The following BCORL1 variants were observed in gnomAD, a reference collection of about 807,000 sequenced individuals.
BCORL1 encodes BCL-6 corepressor-like protein 1.
BCORL1 carries 7 observed loss-of-function variants against 87.6 expected under a neutral mutation model. The observed-to-expected ratio is 0.08, with a 90% CI of 0.05 to 0.15. The LOEUF is 0.15. BCORL1 is among the 10% of genes least tolerant of loss of function. The pLI, the probability that BCORL1 is intolerant of heterozygous loss-of-function variation, is 1.00. For synonymous variants in BCORL1, 591 were observed against 634.4 expected, an observed-to-expected ratio of 0.93 and a Z score of 1.03; for missense variants, 1,215 against 1,499.7, an observed-to-expected ratio of 0.81 and a Z score of 3.13.
intron 1 of BCORL1, among the ~76,000 whole-genome samples, chrX:129,993,349 A>G (rs1395859516): frequency 2.7e-5 from 3 of 112,492 alleles, no homozygotes; most frequent in African/African-American, 9.7e-5. Context: ...AGAAAAAAGT[A>G]TCATAGCAAT....
At position 130,056,422 on chromosome X, in the gene BCORL1, G is replaced by A. The variant is rs899931145; in HGVS notation, c.*286G>A. On this transcript the variant is annotated 3_prime_UTR_variant, in exon 14 of 14. Coordinates refer to ENST00000540052, the MANE Select transcript of BCORL1 (RefSeq NM_001379451.1). ...GGTCCCGGGGGTGGTGGGAGGTGGC[G>A]CCGGGGTCCCTTGGACTGGCCTCCT... is the stretch of plus-strand genomic sequence containing the variant. The A allele has an allele frequency of 2.7e-4, 71 of 260,845 alleles. 1 individual carries two copies. The highest frequency in any genetic ancestry group is 2.3e-4 in the Non-Finnish European group (34 of 149,087). 21.5% of individuals were successfully genotyped at this position (260,845 alleles called of 1,213,427 possible). A position where few individuals can be genotyped will look rare whatever the true frequency, so the allele number is the denominator to read the frequency against.
chrX:129,994,850 A>G (rs1927436069), intron 1 of BCORL1, among the ~76,000 whole-genome samples: 1 of 111,725 alleles, frequency 9.0e-6, no homozygotes, highest in African/African-American at 3.3e-5. Flanking sequence ...ATTTTTAGTC[A>G]GGCAGAAGTT....
Position 130,013,076 on chromosome X carries a change from G to A in BCORL1, c.304G>A (p.Ala102Thr). 1.7e-6 allele frequency: 2 copies of A among 1,210,713 alleles called. No individual in the cohort carries two copies. The highest frequency in any genetic ancestry group is 2.2e-6 in the Non-Finnish European group (2 of 894,480). ...CGATCCCCAGCCAAAAATGGACTAC[G>A]CTGGGAACGTGGCAGAGGCTGAGGG... ...PDDPQPKMDY[A>T]GNVAEAEGLL... Residue 102 changes from alanine to threonine, a missense_variant, in exon 4 of 14, where the codon GCT (alanine) becomes ACT (threonine). Physicochemically the swap from Ala to Thr is moderately conservative, Grantham distance 58. Coordinates refer to ENST00000540052, the MANE Select transcript of BCORL1 (RefSeq NM_001379451.1).
chrX:129,989,213 G>A (rs1253750750), intron 1 of BCORL1, among the ~76,000 whole-genome samples: 1 of 109,512 alleles, frequency 9.1e-6, no homozygotes, highest in Non-Finnish European at 1.9e-5. Flanking sequence ...TCGGCTCACT[G>A]CAAGCTCCGC....
chrX:130,023,018 A>C, intron 6 of BCORL1, 41 bp downstream of exon 6: 2 of 1,093,608 alleles, frequency 1.8e-6, no homozygotes, highest in Non-Finnish European at 2.5e-6. Context: ...AGCATCTTCT[A>C]TGAAAAGAGA....
intron 12 of BCORL1, 131 bp from the exon 13 acceptor site, chrX:130,051,729 A>C: frequency 1.7e-6 from 1 of 590,255 alleles, no homozygotes; most frequent in Non-Finnish European, 2.6e-6. Context: ...ATCCCTGACT[A>C]GGGGCCTGTG....
intron 1 of BCORL1, among the ~76,000 whole-genome samples, chrX:129,996,358 C>T (rs948174156): frequency 2.7e-5 from 3 of 111,450 alleles, no homozygotes; most frequent in African/African-American, 9.8e-5. Flanking sequence ...TCCAGGTCAC[C>T]AGGCAGTATG....
intron 1 of BCORL1, among the ~76,000 whole-genome samples, chrX:129,984,426 CGAGGTGCTGG>C (rs1230375151): frequency 2.7e-5 from 3 of 109,618 alleles, no homozygotes; most frequent in Non-Finnish European, 1.9e-5. Flanking sequence ...GCATGGAGGA[CGAGGTGCTGG>C]GAGAAGGAAG....
intron 1 of BCORL1, among the ~76,000 whole-genome samples, chrX:129,993,385 G>A (rs770099011): frequency 8.9e-6 from 1 of 112,526 alleles, no homozygotes; most frequent in East Asian, 2.8e-4. Flanking sequence ...AGAATCTGGC[G>A]GTATGAAAAT....
At chrX:130,046,047 T>C (rs775276092) in intron 11 of BCORL1, among the ~76,000 whole-genome samples, 21 of 111,494 alleles carry the variant, frequency 1.9e-4, no homozygotes, top group Non-Finnish European at 3.8e-4. Context: ...TTTGGGAGGC[T>C]GAGGCAGGTG....
upstream of BCORL1, among the ~76,000 whole-genome samples, chrX:129,981,937 C>A (rs1019868090): frequency 4.0e-5 from 2 of 50,399 alleles, no homozygotes; most frequent in African/African-American, 8.2e-5. Context: ...GGGGGGGGAG[C>A]GGGAAGAAGG....
chrX:130,020,834 T>C, intron 4 of BCORL1, 151 bp from the exon 5 acceptor site: 1 of 595,171 alleles, frequency 1.7e-6, no homozygotes, highest in Non-Finnish European at 2.4e-6. Flanking sequence ...TGTCACCCAC[T>C]CTGGAAGGCA....
Position 130,022,986 on chromosome X carries a change from G to C in BCORL1, c.3688+9G>C. 8.4e-7 allele frequency: 1 copy of C among 1,189,733 alleles called. No individual in the cohort carries two copies. Among genetic ancestry groups the C allele is most frequent in the South Asian group, 1.8e-5 (1 of 56,342 alleles). On this transcript the variant is annotated intron_variant, in intron 6 of 13. Coordinates refer to ENST00000540052, the MANE Select transcript of BCORL1 (RefSeq NM_001379451.1). ...CACGCGCAGTCAGTCTGGTGAGTGA[G>C]ACTAAGGTGATGGCCCCTCTCAGCA...
intron 2 of BCORL1, 73 bp from the exon 3 acceptor site, chrX:130,012,505 C>A: frequency 2.2e-6 from 2 of 896,043 alleles, no homozygotes; most frequent in East Asian, 3.1e-5. Context: ...AGGCAGGAGG[C>A]ATTCTGGGGA....
In BCORL1 at chrX:129,989,642, T is replaced by A. The variant is rs763322682; in HGVS notation, c.-45+6880T>A. ...CCACCATGCCTGGCTAACTTCTGTA[T>A]TTTTAGTAGAGACGGGGTTTCACCA... On this transcript the variant is annotated intron_variant, in intron 1 of 13. Transcript: ENST00000540052. 6.8e-5 allele frequency among the ~76,000 whole-genome samples: 7 copies of A among 103,418 alleles called. No homozygotes were observed. The East Asian group carries it at 2.1e-3, about 31-fold the overall frequency. The allele number at this position is 103,418 out of a possible 115,157, so 89.8% of individuals were successfully genotyped here.
chrX:130,020,347 G>A (rs1929709271), intron 4 of BCORL1, among the ~76,000 whole-genome samples: 1 of 111,976 alleles, frequency 8.9e-6, no homozygotes, highest in Non-Finnish European at 1.9e-5. Flanking sequence ...AGAGATGAGA[G>A]CATTTGGAAA....
intron 11 of BCORL1, among the ~76,000 whole-genome samples, chrX:130,049,522 A>T (rs924008066): frequency 9.0e-6 from 1 of 111,351 alleles, no homozygotes; most frequent in African/African-American, 3.3e-5. Flanking sequence ...ATGCCTGGCT[A>T]ATTTTTATAT....
chrX:130,020,879 G>T, intron 4 of BCORL1, 106 bp from the exon 5 acceptor site: 1 of 913,478 alleles, frequency 1.1e-6, no homozygotes, highest in East Asian at 3.8e-5. Flanking sequence ...CCCCACTCTG[G>T]GCAGCTCATG....
intron 13 of BCORL1, among the ~76,000 whole-genome samples, chrX:130,052,224 T>C (rs1008086683): frequency 1.8e-5 from 2 of 112,613 alleles, no homozygotes; most frequent in Non-Finnish European, 3.8e-5. Flanking sequence ...TCCTGAACCT[T>C]AAATCTAGAT....
Sources: allele counts gnomAD v4.1 joint callset (sites outside exome capture counted in the v4.1 genomes callset), GRCh38; gene constraint gnomAD v4.1.1; transcripts MANE v1.5; gene names NCBI Gene and HGNC (gene_info 2026-07-23, HGNC 2026-07-21).